The following OMA1 variants were observed in gnomAD, a reference collection of about 807,000 sequenced individuals.
OMA1 encodes metalloendopeptidase OMA1, mitochondrial.
In OMA1, 38 loss-of-function variants were observed where a neutral mutation model predicts 30.9. The ratio of observed to expected loss-of-function variants is 1.23; its 90% confidence interval spans 0.95 to 1.61. The LOEUF (loss-of-function observed/expected upper bound fraction) is 1.61, where lower values mean the gene tolerates loss of function less well. OMA1 is among the 40% of genes most tolerant of loss of function. The pLI, the probability that OMA1 is intolerant of heterozygous loss-of-function variation, is 0.00. For missense variants in OMA1, 461 were observed against 349.2 expected (o/e 1.32, Z -2.55); for synonymous variants, 173 against 121.9 (o/e 1.42, Z -2.76).
At position 58,518,345 on chromosome 1, in the gene OMA1, G is replaced by A. The variant is rs555700042; in HGVS notation, c.1215+8916C>T. On this transcript the variant is annotated intron_variant, in intron 7 of 8. Coordinates refer to ENST00000371226, the MANE Select transcript of OMA1 (RefSeq NM_145243.5). Reference sequence around the variant, plus strand: ...GAAGAGAAGAGAAGAGAAGAGAAGAGAAGAGAAGGGAAGGGAAGAGAAGAG... The same window carrying A: ...GAAGAGAAGAGAAGAGAAGAGAAGAAAAGAGAAGGGAAGGGAAGAGAAGAG... Among the ~76,000 whole-genome samples, 106 of 112,248 alleles carry A rather than the reference G, an allele frequency of 9.4e-4. 8 individuals are homozygous for A. The highest frequency in any genetic ancestry group is 1.7e-3 in the Non-Finnish European group (95 of 54,692). 73.6% of individuals were successfully genotyped at this position (112,248 alleles called of 152,430 possible).
intron 8 of OMA1, among the ~76,000 whole-genome samples, chr1:58,494,138 G>T (rs1308727787): frequency 1.3e-5 from 2 of 152,136 alleles, no homozygotes; most frequent in Non-Finnish European, 2.9e-5. Context: ...TCTGATCTTT[G>T]ACAAACCTGA....
At chr1:58,481,366 T>G (rs1355373968) in intron 8 of OMA1, among the ~76,000 whole-genome samples, 192 bp from the exon 9 acceptor site, 1 of 152,164 alleles carries the variant, frequency 6.6e-6, no homozygotes, top group Non-Finnish European at 1.5e-5. Flanking sequence ...TTTCATGATT[T>G]GGTCAAATAG....
Position 58,506,281 on chromosome 1 carries a change from T to C in OMA1, c.1216-72A>G, listed in dbSNP as rs544067893. 28 of 721,652 alleles carry C rather than the reference T, an allele frequency of 3.9e-5. No individual in the cohort carries two copies. The African/African-American group carries it at 4.8e-4, about 12-fold the overall frequency. The allele number at this position is 721,652 out of a possible 1,614,324, so 44.7% of individuals were successfully genotyped here. ...ATTTTTTAAAAACTACTACTTTATT[T>C]TTTTTTAATTCTATTATAATTATAC... On this transcript the variant is annotated intron_variant, in intron 7 of 8. Coordinates refer to ENST00000371226, the MANE Select transcript of OMA1 (RefSeq NM_145243.5).
chr1:58,518,792 TAAA>T (rs1393104114), intron 7 of OMA1, among the ~76,000 whole-genome samples: 1 of 152,012 alleles, frequency 6.6e-6, no homozygotes, highest in Non-Finnish European at 1.5e-5. Flanking sequence ...ATCTGTGAAA[TAAA>T]GAAGAGGAGA....
intron 6 of OMA1, among the ~76,000 whole-genome samples, chr1:58,528,758 T>G (rs1297902586): frequency 1.3e-5 from 2 of 152,168 alleles, no homozygotes; most frequent in East Asian, 3.8e-4. Context: ...CCTAATGACT[T>G]CACTATCAAC....
At chr1:58,500,355 C>T (rs927036315) in intron 8 of OMA1, among the ~76,000 whole-genome samples, 1 of 152,274 alleles carries the variant, frequency 6.6e-6, no homozygotes, top group East Asian at 1.9e-4. Context: ...TTTGTGTACA[C>T]TGGCCAACAA....
At chr1:58,517,237 T>C (rs1386970172) in intron 7 of OMA1, among the ~76,000 whole-genome samples, 1 of 152,214 alleles carries the variant, frequency 6.6e-6, no homozygotes, top group Non-Finnish European at 1.5e-5. Flanking sequence ...CTGACCCCTA[T>C]GCTAGACAAG....
intron 8 of OMA1, among the ~76,000 whole-genome samples, chr1:58,491,678 A>G (rs894933756): frequency 2.6e-5 from 4 of 152,218 alleles, no homozygotes; most frequent in African/African-American, 4.8e-5. Context: ...AGGCCACTAC[A>G]TAATGGTAAA....
intron 8 of OMA1, among the ~76,000 whole-genome samples, chr1:58,485,256 A>AAAG (rs1645557772): frequency 6.9e-6 from 1 of 145,122 alleles, no homozygotes; most frequent in Non-Finnish European, 1.5e-5. Context: ...AAAAAAAAAA[A>AAAG]GCTGGCCTGG....
intron 5 of OMA1, 92 bp downstream of exon 5, chr1:58,533,861 A>G (rs1487072711): frequency 1.3e-6 from 1 of 766,608 alleles, no homozygotes; most frequent in Non-Finnish European, 2.3e-6. Flanking sequence ...ATCATTTTTA[A>G]AAAACCTGAA....
chr1:58,529,093 G>C (rs1433937890), intron 6 of OMA1, among the ~76,000 whole-genome samples: 1 of 152,050 alleles, frequency 6.6e-6, no homozygotes, highest in African/African-American at 2.4e-5. Flanking sequence ...CAAAATATGA[G>C]ATCCTACAAC....
chr1:58,522,993 T>C (rs533102269), intron 7 of OMA1, among the ~76,000 whole-genome samples: 1 of 152,300 alleles, frequency 6.6e-6, no homozygotes, highest in South Asian at 2.1e-4. Context: ...GGAGATACTT[T>C]GTAATTTCTG....
At chr1:58,482,493 T>C (rs1255989835) in intron 8 of OMA1, among the ~76,000 whole-genome samples, 2 of 151,900 alleles carry the variant, frequency 1.3e-5, no homozygotes, top group Non-Finnish European at 2.9e-5. Flanking sequence ...GGTCTTAATA[T>C]TTAGGAGTTT....
chr1:58,543,470 A>G (rs908099447), intron 1 of OMA1, among the ~76,000 whole-genome samples: 1 of 152,160 alleles, frequency 6.6e-6, no homozygotes, highest in East Asian at 1.9e-4. Flanking sequence ...ATCTCATTCT[A>G]GCCTTTCCTG....
At chr1:58,506,810 C>T (rs1645996859) in intron 7 of OMA1, among the ~76,000 whole-genome samples, 2 of 152,004 alleles carry the variant, frequency 1.3e-5, no homozygotes, top group South Asian at 2.1e-4. Context: ...CATCAATTTA[C>T]CCAATTTTCT....
At position 58,526,535 on chromosome 1, in the gene OMA1, T is replaced by C. The variant is rs1426093710; in HGVS notation, c.1215+726A>G. On this transcript the variant is annotated intron_variant, in intron 7 of 8. Transcript: ENST00000371226. ...TTAAAAATAGCTGCCAGGTGCCCTG[T>C]TAAGTAGACAGGAACAAAGTCAACT... 2.0e-5 allele frequency among the ~76,000 whole-genome samples: 3 copies of C among 150,430 alleles called. No individual in the cohort carries two copies. In the East Asian group the frequency reaches 5.8e-4, roughly 29 times the overall value.
intron 8 of OMA1, among the ~76,000 whole-genome samples, chr1:58,505,741 A>G (rs973278067): frequency 2.0e-5 from 3 of 152,184 alleles, no homozygotes; most frequent in Non-Finnish European, 2.9e-5. Context: ...TTAAATTATC[A>G]TCAACATGTT....
intron 7 of OMA1, among the ~76,000 whole-genome samples, chr1:58,518,223 G>C (rs185122030): frequency 0.027 from 75 of 2,782 alleles, 2 homozygotes; most frequent in African/African-American, 0.082. Flanking sequence ...AGAGGGGAGA[G>C]GGGAGAGGGG....
rs568471396 is a variant in OMA1, at chr1:58,493,033, C to A, written c.1366-11859G>T. On this transcript the variant is annotated intron_variant, in intron 8 of 8. Coordinates refer to ENST00000371226, the MANE Select transcript of OMA1 (RefSeq NM_145243.5). ...AAATCCTCAATAAAATACTGGCAAA[C>A]CAAATCCAGCAGCACATCGAAAAGC... Among the ~76,000 whole-genome samples, 5 of 152,280 alleles carry A rather than the reference C, an allele frequency of 3.3e-5. No homozygotes were observed. The South Asian group carries it at 8.3e-4, about 25-fold the overall frequency.
Sources: gnomAD v4.1 joint callset for allele counts (sites outside exome capture counted in the v4.1 genomes callset) on GRCh38, gnomAD v4.1.1 for gene constraint, MANE v1.5 for transcripts, NCBI Gene and HGNC (gene_info 2026-07-23, HGNC 2026-07-21) for gene names.